PBRM1: variants seen among roughly 807,000 people sequenced by gnomAD.
PBRM1 encodes the protein polybromo 1.
In PBRM1, 27 loss-of-function variants were observed where a neutral mutation model predicts 194.5. The ratio of observed to expected loss-of-function variants is 0.14; its 90% confidence interval spans 0.10 to 0.19. The LOEUF is 0.19. Ranked by LOEUF, PBRM1 falls within the 10% of genes least tolerant of loss-of-function variation. The pLI, the probability that PBRM1 is intolerant of heterozygous loss-of-function variation, is 1.00. For missense variants in PBRM1, 1,466 were observed against 2,077.2 expected (o/e 0.71, Z 5.72); for synonymous variants, 655 against 693.2 (o/e 0.94, Z 0.87).
chr3:52,564,537 C>T (rs529233989), intron 22 of PBRM1, among the ~76,000 whole-genome samples: 6 of 151,650 alleles, frequency 4.0e-5, no homozygotes, highest in African/African-American at 7.3e-5. Flanking sequence ...CCCAGCTACT[C>T]GGGAGGCTGA....
intron 11 of PBRM1, among the ~76,000 whole-genome samples, chr3:52,634,085 T>G (rs1398987609): frequency 3.3e-5 from 5 of 152,158 alleles, no homozygotes; most frequent in African/African-American, 1.2e-4. Context: ...CTGTCATAAT[T>G]AAAATATTAA....
At chr3:52,592,610 C>A (rs2093197036) in intron 17 of PBRM1, among the ~76,000 whole-genome samples, 1 of 152,164 alleles carries the variant, frequency 6.6e-6, no homozygotes, top group Admixed American at 6.6e-5. Context: ...ATCAAGGATA[C>A]TGGCCTAGTT....
At chr3:52,595,834 G>A (rs1333711268) in intron 17 of PBRM1, among the ~76,000 whole-genome samples, 1 of 152,120 alleles carries the variant, frequency 6.6e-6, no homozygotes, top group Admixed American at 6.6e-5. Context: ...GCAAGAGACG[G>A]GGCTAATTTC....
At chr3:52,620,465 C>G (rs2095223431) in intron 13 of PBRM1, among the ~76,000 whole-genome samples, 1 of 152,156 alleles carries the variant, frequency 6.6e-6, no homozygotes, top group Non-Finnish European at 1.5e-5. Flanking sequence ...CCAGGAGGTG[C>G]TCACCCCATT....
At chr3:52,616,836 T>C (rs1048871452) in intron 14 of PBRM1, among the ~76,000 whole-genome samples, 10 of 152,342 alleles carry the variant, frequency 6.6e-5, no homozygotes, top group African/African-American at 1.2e-4. Context: ...TTGAGGATCG[T>C]AGTAATGATG....
chr3:52,567,069 A>G (rs1430371794), intron 22 of PBRM1, among the ~76,000 whole-genome samples: 1 of 135,446 alleles, frequency 7.4e-6, no homozygotes, highest in East Asian at 2.0e-4. Context: ...CTCCATCTCA[A>G]AAAAAAAAAA....
chr3:52,661,434 T>C (rs1475584868), intron 4 of PBRM1, among the ~76,000 whole-genome samples: 1 of 152,202 alleles, frequency 6.6e-6, no homozygotes, highest in Non-Finnish European at 1.5e-5. Context: ...GAGCTATCAT[T>C]CTACTTGGGG....
At chr3:52,622,843 CTATT>C (rs1413709464) in intron 13 of PBRM1, among the ~76,000 whole-genome samples, 4 of 152,146 alleles carry the variant, frequency 2.6e-5, no homozygotes, top group South Asian at 2.1e-4. Flanking sequence ...TCTAAAGCTA[CTATT>C]TATTTTTATA....
chr3:52,575,041 A>G (rs990714648), intron 22 of PBRM1, among the ~76,000 whole-genome samples: 2 of 152,058 alleles, frequency 1.3e-5, no homozygotes, highest in African/African-American at 2.4e-5. Flanking sequence ...AGCTGGGACC[A>G]TGGATATAGA....
chr3:52,595,133 C>T (rs563100203), intron 17 of PBRM1, among the ~76,000 whole-genome samples: 61 of 152,160 alleles, frequency 4.0e-4, no homozygotes, highest in African/African-American at 1.4e-3. Flanking sequence ...AGTTCTTGTG[C>T]TGGTTCTTTC....
At chr3:52,654,618 A>G (rs918698877) in intron 5 of PBRM1, among the ~76,000 whole-genome samples, 2 of 152,124 alleles carry the variant, frequency 1.3e-5, no homozygotes, top group Admixed American at 1.3e-4. Context: ...CTTCAAGGTG[A>G]CCTTGAAGGG....
intron 2 of PBRM1, among the ~76,000 whole-genome samples, chr3:52,671,375 T>C (rs143154465): frequency 5.5e-4 from 84 of 152,338 alleles, no homozygotes; most frequent in African/African-American, 1.9e-3. Flanking sequence ...AAGGTGTGTA[T>C]CCTCTGCCCC....
At chr3:52,575,837 C>T (rs962689616) in intron 22 of PBRM1, among the ~76,000 whole-genome samples, 7 of 151,916 alleles carry the variant, frequency 4.6e-5, no homozygotes, top group African/African-American at 7.2e-5. Context: ...TTTAAATATA[C>T]TCCAAGATCT....
upstream of PBRM1, among the ~76,000 whole-genome samples, chr3:52,683,374 GAA>G (rs71278617): frequency 7.7e-6 from 1 of 129,468 alleles, no homozygotes; most frequent in Admixed American, 7.7e-5. Context: ...ACCGTCTCAA[GAA>G]AAAAAAAAAA....
At chr3:52,677,429 T>TTTTTGG (rs2097130428) in intron 2 of PBRM1, among the ~76,000 whole-genome samples, 3 of 141,312 alleles carry the variant, frequency 2.1e-5, no homozygotes, top group African/African-American at 5.3e-5. Flanking sequence ...TTTTTTTTTT[T>TTTTTGG]GAGATGGAGT....
chr3:52,672,807 T>G (rs2096980101), intron 2 of PBRM1, among the ~76,000 whole-genome samples: 1 of 150,982 alleles, frequency 6.6e-6, no homozygotes, highest in African/African-American at 2.4e-5. Context: ...TGCCAGAGTT[T>G]TGAAGAGAAT....
chr3:52,596,704 C>G (rs2093592752), intron 17 of PBRM1, among the ~76,000 whole-genome samples: 1 of 152,016 alleles, frequency 6.6e-6, no homozygotes, highest in Admixed American at 6.6e-5. Flanking sequence ...TGTGGCTGAG[C>G]TGGTATCTAA....
rs866848671 is a variant in PBRM1, at chr3:52,591,516, T to G, written c.2780-2261A>C. ...ATAATGTAGTTTTTGTCTTTGTTTT[T>G]TTTTTTTTTTTTTTTTTTTTGAGAC... On this transcript the variant is annotated intron_variant, in intron 17 of 29. Transcript: ENST00000296302. 2.2e-5 allele frequency among the ~76,000 whole-genome samples: 3 copies of G among 134,380 alleles called. No homozygotes were observed. In the Middle Eastern group the frequency reaches 0.011, roughly 501 times the overall value. 88.2% of individuals were successfully genotyped at this position (134,380 alleles called of 152,430 possible).
chr3:52,665,330 A>ATT (rs5848957), intron 3 of PBRM1, among the ~76,000 whole-genome samples: 2 of 146,724 alleles, frequency 1.4e-5, no homozygotes, highest in Non-Finnish European at 1.5e-5. Flanking sequence ...AATTAAAACA[A>ATT]TTTTTTTTTT....
Sources: allele counts gnomAD v4.1 joint callset (sites outside exome capture counted in the v4.1 genomes callset), GRCh38; gene constraint gnomAD v4.1.1; transcripts MANE v1.5; gene names NCBI Gene and HGNC (gene_info 2026-07-23, HGNC 2026-07-21).